The following PERP variants were observed in gnomAD, a reference collection of about 807,000 sequenced individuals.
The protein encoded by PERP is p53 apoptosis effector related to PMP22.
PERP carries 11 observed loss-of-function variants against 20.3 expected under a neutral mutation model. The observed-to-expected ratio is 0.54, with a 90% CI of 0.34 to 0.90. The LOEUF (loss-of-function observed/expected upper bound fraction) is 0.90, where lower values mean the gene tolerates loss of function less well. Ranked by LOEUF, PERP falls within the 40% of genes least tolerant of loss-of-function variation. The pLI is 0.02. For synonymous variants in PERP, 101 were observed against 102.0 expected (o/e 0.99, Z 0.06); for missense variants, 224 against 249.4 (o/e 0.90, Z 0.69).
chr6:138,089,874 A>C lies in PERP; in HGVS notation c.*2168T>G, dbSNP rs945147937. On this transcript the variant is annotated 3_prime_UTR_variant, in exon 3 of 3. Coordinates refer to ENST00000421351, the MANE Select transcript of PERP (RefSeq NM_022121.5). ...GTCCCAGGAGGTTGCATTTTTCCTA[A>C]ATGTGCGCCGTTAAGGTATTGTGTG... 1 of 152,114 alleles carries C rather than the reference A, an allele frequency of 6.6e-6. No individual in the cohort carries two copies. The allele number at this position is 152,114 out of a possible 1,614,324, so 9.4% of individuals were successfully genotyped here.
rs1246084039 is a variant in PERP, at chr6:138,107,089, T to C, written c.214+38A>G. 1 of 1,572,910 alleles carries C rather than the reference T, an allele frequency of 6.4e-7. No homozygotes were observed. The highest frequency in any genetic ancestry group is 8.6e-7 in the Non-Finnish European group (1 of 1,160,470). On this transcript the variant is annotated intron_variant, in intron 1 of 2. Transcript: ENST00000421351. The surrounding 1 kb of genome is among the most constrained non-coding windows in gnomAD (Gnocchi z 4.8). ...TTTGCAGGCCGCGGCCCCGAGGGCT[T>C]CCTGGAGGCGGCGACGGCGGCGGCG... is the stretch of plus-strand genomic sequence containing the variant.
At chr6:138,093,986 T>G (rs1028797480) in intron 2 of PERP, among the ~76,000 whole-genome samples, 1 of 152,342 alleles carries the variant, frequency 6.6e-6, no homozygotes, top group South Asian at 2.1e-4. Context: ...GTAAATCTGT[T>G]GAAGCTCACT....
intron 1 of PERP, among the ~76,000 whole-genome samples, chr6:138,102,718 C>T (rs766242498): frequency 1.3e-5 from 2 of 152,202 alleles, no homozygotes; most frequent in African/African-American, 2.4e-5. Context: ...ATCATACGTA[C>T]TTTTAAAAAT....
chr6:138,103,275 G>A (rs1384237013), intron 1 of PERP, among the ~76,000 whole-genome samples: 1 of 151,762 alleles, frequency 6.6e-6, no homozygotes, highest in East Asian at 2.0e-4. Context: ...TCAGCCTCCT[G>A]AGTAGCTGAG....
At chr6:138,095,678 C>T (rs908103828) in intron 2 of PERP, among the ~76,000 whole-genome samples, 6 of 152,170 alleles carry the variant, frequency 3.9e-5, no homozygotes. Context: ...GGGTCCTGCC[C>T]CTTTGACAGA....
At chr6:138,100,542 TTGTGTG>T (rs58385691) in intron 1 of PERP, among the ~76,000 whole-genome samples, 29 of 146,280 alleles carry the variant, frequency 2.0e-4, no homozygotes, top group South Asian at 2.2e-4. Flanking sequence ...TATACCAGAT[TTGTGTG>T]TGTGTGTGTG....
rs1457172089 is a variant in PERP, at chr6:138,090,735, A to C, written c.*1307T>G. The C allele has an allele frequency of 1.3e-5, 2 of 150,470 alleles. No homozygotes were observed. The highest frequency in any genetic ancestry group is 3.0e-5 in the Non-Finnish European group (2 of 67,188). 9.3% of individuals were successfully genotyped at this position (150,470 alleles called of 1,614,324 possible). ...TGTTCTTATTACCCATTTTTTTTTT[A>C]ATTCCTTTCCCCAGATTTGAAAAAT... On this transcript the variant is annotated 3_prime_UTR_variant, in exon 3 of 3. Transcript: ENST00000421351.
In PERP at chr6:138,093,894, T is replaced by TAAA. The variant is rs1423561561; in HGVS notation, c.356-1627_356-1626insTTT. On this transcript the variant is annotated intron_variant, in intron 2 of 2. Transcript: ENST00000421351. ...TTTATTCTTCTAAATACATTTTCTG[T>TAAA]TCTATTTTTCATACTCTTTAAAGGA... 7.7e-3 allele frequency among the ~76,000 whole-genome samples: 1,169 copies of TAAA among 152,330 alleles called. 22 individuals carry two copies. The highest frequency in any genetic ancestry group is 0.026 in the African/African-American group (1,093 of 41,576).
chr6:138,107,217 C>G lies in PERP; in HGVS notation c.124G>C (p.Gly42Arg). The change falls in exon 1 of 3, where the codon GGC becomes CGC. Residue 42 changes from glycine to arginine, a missense_variant. By Grantham distance (125) the Gly-to-Arg change is moderately radical. Coordinates refer to ENST00000421351, the MANE Select transcript of PERP (RefSeq NM_022121.5). The surrounding 1 kb of genome is among the most constrained non-coding windows in gnomAD (Gnocchi z 4.8). Reference sequence around the variant, plus strand: ...TTCCACCACAGCGAGGACGTCTGGCCGTGGTCGCTAGACTGCAACCAGCCG... The same window carrying G: ...TTCCACCACAGCGAGGACGTCTGGCGGTGGTCGCTAGACTGCAACCAGCCG... Reference protein sequence around the residue: ...GRGWLQSSDHGQTSSLWWKCS... With the variant: ...GRGWLQSSDHRQTSSLWWKCS... 6.2e-7 allele frequency: 1 copy of G among 1,612,440 alleles called. No homozygotes were observed. The highest frequency in any genetic ancestry group is 8.5e-7 in the Non-Finnish European group (1 of 1,179,704).
intron 2 of PERP, among the ~76,000 whole-genome samples, chr6:138,095,017 G>A (rs1775658098): frequency 6.6e-6 from 1 of 152,102 alleles, no homozygotes; most frequent in Non-Finnish European, 1.5e-5. Flanking sequence ...CACCACACCT[G>A]GCCTTAGTGT....
intron 2 of PERP, among the ~76,000 whole-genome samples, chr6:138,094,164 T>C (rs1775637702): frequency 6.6e-6 from 1 of 152,218 alleles, no homozygotes; most frequent in Admixed American, 6.5e-5. Flanking sequence ...CACTTTCAAT[T>C]GTTCACTCTA....
chr6:138,107,369 G>GCGGAGCGGAGCGGGT lies in PERP; in HGVS notation c.-44_-30dup, dbSNP rs1452680905. 6.7e-7 allele frequency: 1 copy of GCGGAGCGGAGCGGGT among 1,494,658 alleles called. No homozygotes were observed. The highest frequency in any genetic ancestry group is 2.5e-5 in the East Asian group (1 of 39,890). The allele number at this position is 1,494,658 out of a possible 1,614,324, so 92.6% of individuals were successfully genotyped here. ...GACGGGCGGCGCGGGGCCGAGCGGA[G>GCGGAGCGGAGCGGGT]CGGAGCGGAGCGGGTCGGAGGAGCG... is the stretch of plus-strand genomic sequence containing the variant. On this transcript the variant is annotated 5_prime_UTR_variant, in exon 1 of 3. Transcript: ENST00000421351. The surrounding 1 kb of genome is among the most constrained non-coding windows in gnomAD (Gnocchi z 4.8).
intron 1 of PERP, 120 bp from the exon 2 acceptor site, chr6:138,096,614 G>A (rs1775699375): frequency 8.8e-7 from 1 of 1,138,468 alleles, no homozygotes; most frequent in Non-Finnish European, 1.2e-6. Context: ...TGGATGGAGG[G>A]ACAGTTTTTC....
intron 2 of PERP, 116 bp from the exon 3 acceptor site, chr6:138,092,384 A>C (rs1775602572): frequency 3.3e-6 from 3 of 919,738 alleles, no homozygotes; most frequent in African/African-American, 1.6e-5. Context: ...TAAGTATAAA[A>C]TCTACCTGGA....
rs367600253 is a variant in PERP at position 138,107,284 on chromosome 6, T to C, written c.57A>G (p.Leu19=). The C allele has an allele frequency of 3.1e-6, 5 of 1,610,316 alleles. No homozygotes were observed. Among genetic ancestry groups the C allele is most frequent in the Non-Finnish European group, 2.5e-6 (3 of 1,179,432 alleles). Residue 19 remains leucine (L), a synonymous_variant, in exon 1 of 3, where the codon CTA becomes CTG. Coordinates refer to ENST00000421351, the MANE Select transcript of PERP (RefSeq NM_022121.5). The surrounding 1 kb of genome is among the most constrained non-coding windows in gnomAD (Gnocchi z 4.8). ...ERCRWILPLL[L]LSAIAFDIIA... ...TGATGTCGAAGGCGATGGCGCTGAG[T>C]AGGAGCAGGGGCAGGATCCAGCGGC...
rs749699189 is a variant in PERP, at chr6:138,107,356, G to C, written c.-16C>G. The C allele has an allele frequency of 1.9e-6, 3 of 1,573,926 alleles. No individual in the cohort carries two copies. The East Asian group carries it at 6.8e-5, about 36-fold the overall frequency. On this transcript the variant is annotated 5_prime_UTR_variant, in exon 1 of 3. Coordinates refer to ENST00000421351, the MANE Select transcript of PERP (RefSeq NM_022121.5). This position sits in a 1 kb window ranked among gnomAD's most constrained non-coding sequence, Gnocchi z 4.8. ...AGCGGATCATGTTGACGGGCGGCGC[G>C]GGGCCGAGCGGAGCGGAGCGGAGCG...
Position 138,088,935 on chromosome 6 carries a change from A to G in PERP, c.*3107T>C, listed in dbSNP as rs1351933480. The G allele has an allele frequency of 2.0e-5, 3 of 152,210 alleles. No homozygotes were observed. Among genetic ancestry groups the G allele is most frequent in the Admixed American group, 6.5e-5 (1 of 15,284 alleles). 9.4% of individuals were successfully genotyped at this position (152,210 alleles called of 1,614,324 possible). On this transcript the variant is annotated 3_prime_UTR_variant, in exon 3 of 3. Coordinates refer to ENST00000421351, the MANE Select transcript of PERP (RefSeq NM_022121.5). Reference sequence around the variant, plus strand: ...GTTGCAGGAAGAGTGAGGAAGAGGGAATTTAAAAGAGGAAGTTGGGACTGA... The same window carrying G: ...GTTGCAGGAAGAGTGAGGAAGAGGGGATTTAAAAGAGGAAGTTGGGACTGA...
At chr6:138,097,772 C>T (rs531235741) in intron 1 of PERP, among the ~76,000 whole-genome samples, 6 of 152,256 alleles carry the variant, frequency 3.9e-5, no homozygotes, top group East Asian at 1.9e-4. Flanking sequence ...CTATAAAGTT[C>T]GCCCTTTTAA....
At chr6:138,106,042 G>C (rs2152013) in intron 1 of PERP, among the ~76,000 whole-genome samples, 66,478 of 151,960 alleles carry the variant, frequency 0.44, 14,831 homozygotes, top group East Asian at 0.71. Context: ...ATAGTCCCCC[G>C]GAAACACAAA....
Sources: allele counts gnomAD v4.1 joint callset (sites outside exome capture counted in the v4.1 genomes callset), GRCh38; gene constraint gnomAD v4.1.1; non-coding constraint Gnocchi (gnomAD v3.1); transcripts MANE v1.5; gene names NCBI Gene and HGNC (gene_info 2026-07-23, HGNC 2026-07-21).